ZCCHC24: variants seen among roughly 807,000 people sequenced by gnomAD.
ZCCHC24 encodes zinc finger CCHC-type containing 24, also known as zinc finger CCHC domain-containing protein 24.
ZCCHC24 carries 10 observed loss-of-function variants against 26.2 expected under a neutral mutation model. The ratio of observed to expected loss-of-function variants is 0.38; its 90% confidence interval spans 0.24 to 0.65. The LOEUF is 0.65. Ranked by LOEUF, ZCCHC24 falls within the 30% of genes least tolerant of loss-of-function variation. The pLI is 0.54. For missense variants in ZCCHC24, 243 were observed against 329.1 expected, an observed-to-expected ratio of 0.74 and a Z score of 2.03; for synonymous variants, 144 against 147.1, an observed-to-expected ratio of 0.98 and a Z score of 0.15.
At position 79,386,458 on chromosome 10, in the gene ZCCHC24, T is replaced by TCGGCAGAGAGAAGGAGGAAGGGGCCC. The variant is rs1229622329; in HGVS notation, c.613-1_613insGGGCCCCTTCCTCCTTCTCTCTGCCG (p.Arg205GlyfsTer101). The TCGGCAGAGAGAAGGAGGAAGGGGCCC allele has an allele frequency of 6.3e-7, 1 of 1,589,484 alleles. No individual in the cohort carries two copies. The highest frequency in any genetic ancestry group is 1.7e-5 in the Admixed American group (1 of 58,796). On this transcript the variant is annotated frameshift_variant and splice_region_variant. Coordinates refer to ENST00000372336, the MANE Select transcript of ZCCHC24 (RefSeq NM_153367.4). LOFTEE classifies it high-confidence loss of function. ...AGGCCGTCGGGCTTCTCCAGGGGTCTCTGCAGAGAGAAGGAGGAAGGGGCC... is the reference window on the plus strand; with the variant it reads ...AGGCCGTCGGGCTTCTCCAGGGGTCTCGGCAGAGAGAAGGAGGAAGGGGCCCCTGCAGAGAGAAGGAGGAAGGGGCC...
intron 1 of ZCCHC24, among the ~76,000 whole-genome samples, chr10:79,441,321 G>A (rs767624960): frequency 4.6e-5 from 7 of 152,058 alleles, no homozygotes; most frequent in Non-Finnish European, 1.0e-4. Context: ...GACACTGTAT[G>A]TACTCCTCTA....
At chr10:79,425,601 G>T (rs1211621866) in intron 2 of ZCCHC24, among the ~76,000 whole-genome samples, 3 of 152,298 alleles carry the variant, frequency 2.0e-5, no homozygotes, top group Admixed American at 6.5e-5. Flanking sequence ...TTCCAGCTTT[G>T]ATATTCACTA....
intron 3 of ZCCHC24, among the ~76,000 whole-genome samples, chr10:79,393,009 C>T (rs1856500201): frequency 6.6e-6 from 1 of 152,220 alleles, no homozygotes; most frequent in Non-Finnish European, 1.5e-5. Flanking sequence ...CCACCCCAGG[C>T]TTCTAGGACT....
intron 1 of ZCCHC24, among the ~76,000 whole-genome samples, chr10:79,437,490 A>G (rs1247802245): frequency 6.6e-6 from 1 of 152,238 alleles, no homozygotes; most frequent in African/African-American, 2.4e-5. Context: ...ACTGAGGCTC[A>G]GAGAGGCTGA....
chr10:79,387,248 G>A (rs1286898448), intron 3 of ZCCHC24, among the ~76,000 whole-genome samples: 1 of 152,198 alleles, frequency 6.6e-6, no homozygotes, highest in Non-Finnish European at 1.5e-5. Flanking sequence ...GGTGATCGCA[G>A]GGAGCCTCCG....
intron 1 of ZCCHC24, among the ~76,000 whole-genome samples, chr10:79,441,668 CTG>C (rs1257961674): frequency 2.0e-5 from 3 of 151,904 alleles, no homozygotes; most frequent in Non-Finnish European, 4.4e-5. Context: ...CTAGTGGGCA[CTG>C]TGTGTTTCCA....
intron 1 of ZCCHC24, among the ~76,000 whole-genome samples, chr10:79,443,125 G>A (rs1396106752): frequency 6.6e-6 from 1 of 152,184 alleles, no homozygotes; most frequent in African/African-American, 2.4e-5. Context: ...GTTCCCTGAA[G>A]TCAGGTTGTG....
At chr10:79,402,063 G>A (rs1213064528) in intron 2 of ZCCHC24, among the ~76,000 whole-genome samples, 7 of 152,178 alleles carry the variant, frequency 4.6e-5, no homozygotes, top group African/African-American at 1.7e-4. Flanking sequence ...GGCTGACCAC[G>A]GACTCACGAC....
At chr10:79,433,947 A>G (rs149845623) in intron 1 of ZCCHC24, among the ~76,000 whole-genome samples, 8 of 152,242 alleles carry the variant, frequency 5.3e-5, no homozygotes, top group Admixed American at 1.3e-4. Flanking sequence ...GCCTCCCCCA[A>G]CTGAAGCAGA....
intron 2 of ZCCHC24, among the ~76,000 whole-genome samples, chr10:79,421,397 G>A (rs1856933252): frequency 6.6e-6 from 1 of 150,788 alleles, no homozygotes; most frequent in Non-Finnish European, 1.5e-5. Flanking sequence ...TGGGAACACA[G>A]AATGATGCTG....
intron 2 of ZCCHC24, among the ~76,000 whole-genome samples, chr10:79,403,872 G>A (rs1030417091): frequency 6.6e-6 from 1 of 152,084 alleles, no homozygotes; most frequent in Non-Finnish European, 1.5e-5. Context: ...ACCCTGGGGA[G>A]GGGGGCATGG....
chr10:79,438,437 A>C (rs1301815971), intron 1 of ZCCHC24, among the ~76,000 whole-genome samples: 1 of 152,188 alleles, frequency 6.6e-6, no homozygotes, highest in Non-Finnish European at 1.5e-5. Flanking sequence ...CAAGGCGGGA[A>C]GCGAGCCAAT....
At chr10:79,396,598 G>A (rs1856550103) in intron 2 of ZCCHC24, among the ~76,000 whole-genome samples, 1 of 152,206 alleles carries the variant, frequency 6.6e-6, no homozygotes, top group South Asian at 2.1e-4. Context: ...GTGGTCCCCG[G>A]ACCAACAGCG....
At chr10:79,412,080 G>A (rs968462923) in intron 2 of ZCCHC24, among the ~76,000 whole-genome samples, 2 of 152,224 alleles carry the variant, frequency 1.3e-5, no homozygotes, top group Non-Finnish European at 2.9e-5. Context: ...TTCCTGCTAC[G>A]CCTCCACAGG....
chr10:79,430,459 A>G (rs1319944266), intron 2 of ZCCHC24, among the ~76,000 whole-genome samples: 1 of 151,790 alleles, frequency 6.6e-6, no homozygotes, highest in African/African-American at 2.4e-5. Flanking sequence ...TCTCGTATAC[A>G]TTCTGCCCTC....
intron 2 of ZCCHC24, among the ~76,000 whole-genome samples, chr10:79,403,930 G>C (rs972199822): frequency 2.0e-5 from 3 of 152,136 alleles, no homozygotes; most frequent in Admixed American, 6.5e-5. Context: ...GAGAAAACAA[G>C]CGGGGGACAG....
At chr10:79,415,163 T>A (rs1020514072) in intron 2 of ZCCHC24, among the ~76,000 whole-genome samples, 1 of 152,298 alleles carries the variant, frequency 6.6e-6, no homozygotes, top group Admixed American at 6.5e-5. Context: ...CGTCCTCCCA[T>A]TGACATGCTC....
rs1415652589 is a variant in ZCCHC24 at position 79,383,588 on chromosome 10, GT to G, written c.*2756del. On this transcript the variant is annotated 3_prime_UTR_variant, in exon 4 of 4. Transcript: ENST00000372336. ...AAATTTTGAAAATGCCTCTCTTTTT[GT>G]TTGTTTTAATCTCAAAAATCAAACA... is the stretch of plus-strand genomic sequence containing the variant. 6.8e-6 allele frequency: 1 copy of G among 147,934 alleles called. No individual in the cohort carries two copies. Among genetic ancestry groups the G allele is most frequent in the Non-Finnish European group, 1.5e-5 (1 of 66,684 alleles). 9.2% of individuals were successfully genotyped at this position (147,934 alleles called of 1,614,324 possible).
intron 2 of ZCCHC24, chr10:79,403,675 C>T (rs1190147308): frequency 5.6e-6 from 5 of 898,062 alleles, no homozygotes; most frequent in African/African-American, 5.4e-5. Context: ...GGGCCCCCTC[C>T]CCTCTTCTGG....
Sources: gnomAD v4.1 joint callset for allele counts (sites outside exome capture counted in the v4.1 genomes callset) on GRCh38, gnomAD v4.1.1 for gene constraint, MANE v1.5 for transcripts, NCBI Gene and HGNC (gene_info 2026-07-23, HGNC 2026-07-21) for gene names.